Variants in PSD4 observed in about 807,000 individuals in gnomAD.
The protein encoded by PSD4 is PH and SEC7 domain-containing protein 4.
In PSD4, 59 loss-of-function variants were observed where a neutral mutation model predicts 112.5. The ratio of observed to expected loss-of-function variants is 0.52; its 90% CI spans 0.43 to 0.65. The LOEUF (loss-of-function observed/expected upper bound fraction) is 0.65. Among genes scored for constraint, PSD4 ranks in the 30% least tolerant of loss-of-function variants. The pLI is 0.00. For missense variants in PSD4, 1,267 were observed against 1,352.6 expected (o/e 0.94, Z 0.99); for synonymous variants, 533 against 540.0 (o/e 0.99, Z 0.18).
intron 7 of PSD4, 26 bp downstream of exon 7, chr2:113,193,154 G>A: frequency 1.2e-6 from 2 of 1,610,238 alleles, no homozygotes; most frequent in South Asian, 1.1e-5. Context: ...CCTCTCTGGG[G>A]AGGCTGTGGA....
Position 113,183,340 on chromosome 2 carries a change from C to G in PSD4, c.884C>G (p.Thr295Arg). 6.2e-7 allele frequency: 1 copy of G among 1,601,026 alleles called. No homozygotes were observed. Among genetic ancestry groups the G allele is most frequent in the Non-Finnish European group, 8.5e-7 (1 of 1,172,816 alleles). ...CTGGAGCCTCCCCTCCCAGAAGACA[C>G]AGTGCTGTGGGAGCTGGAAAGTGAG... ...ATLEPPLPEDTVLWELESEPD... is the reference protein window; with the variant it reads ...ATLEPPLPEDRVLWELESEPD... Residue 295 changes from threonine to arginine, a missense_variant, in exon 2 of 17, where the codon ACA becomes AGA. Transcript: ENST00000245796.
chr2:113,193,385 G>A lies in PSD4; in HGVS notation c.2032+15G>A. ...CCCCTCAGTAGGTAGGGAGGGGCTG[G>A]CCCTGACAGCAAAGCAGGGAAACTT... is the stretch of plus-strand genomic sequence containing the variant. On this transcript the variant is annotated intron_variant, in intron 8 of 16. Transcript: ENST00000245796. 6.2e-7 allele frequency: 1 copy of A among 1,606,756 alleles called. No homozygotes were observed. Among genetic ancestry groups the A allele is most frequent in the Non-Finnish European group, 8.5e-7 (1 of 1,175,928 alleles).
intron 11 of PSD4, among the ~76,000 whole-genome samples, 186 bp downstream of exon 11, chr2:113,195,956 G>T (rs1558654476): frequency 6.6e-6 from 1 of 152,180 alleles, no homozygotes; most frequent in Non-Finnish European, 1.5e-5. Context: ...GAGGGCCAGA[G>T]GTAGTGGGGC....
At chr2:113,194,037 G>C (rs1234621141) in intron 10 of PSD4, 89 bp downstream of exon 10, 1 of 1,311,472 alleles carries the variant, frequency 7.6e-7, no homozygotes, top group Non-Finnish European at 1.1e-6. Context: ...CTTGGGACTG[G>C]CTTTGCCAAA....
At chr2:113,180,209 C>A (rs888589143) in intron 1 of PSD4, among the ~76,000 whole-genome samples, 1 of 152,150 alleles carries the variant, frequency 6.6e-6, no homozygotes, top group African/African-American at 2.4e-5. Context: ...AACAGTGGGC[C>A]AAGCCTGGGC....
chr2:113,204,744 C>T lies in PSD4; in HGVS notation c.*3329C>T, dbSNP rs1054535598. The T allele has an allele frequency of 2.0e-5, 3 of 152,112 alleles. No individual in the cohort carries two copies. The highest frequency in any genetic ancestry group is 7.2e-5 in the African/African-American group (3 of 41,394). The allele number at this position is 152,112 out of a possible 1,614,324, so 9.4% of individuals were successfully genotyped here. On this transcript the variant is annotated 3_prime_UTR_variant, in exon 17 of 17. Coordinates refer to ENST00000245796, the MANE Select transcript of PSD4 (RefSeq NM_012455.3). ...TATTTGTTTGTTGCTTGCCAGGCAC[C>T]AGGGTAGATAAAAAGATCACCAAGA... is the stretch of plus-strand genomic sequence containing the variant.
intron 5 of PSD4, among the ~76,000 whole-genome samples, chr2:113,189,321 A>G (rs931211907): frequency 1.3e-5 from 2 of 149,052 alleles, no homozygotes; most frequent in African/African-American, 4.9e-5. Flanking sequence ...CATATATGTG[A>G]TTCAATTATA....
At chr2:113,193,501 G>T in intron 8 of PSD4, 91 bp from the exon 9 acceptor site, 2 of 1,506,978 alleles carry the variant, frequency 1.3e-6, no homozygotes, top group East Asian at 4.5e-5. Context: ...GCATTCCAGG[G>T]GTTATTCGGT....
Position 113,202,232 on chromosome 2 carries a change from G to A in PSD4, c.*817G>A, listed in dbSNP as rs940372341. On this transcript the variant is annotated 3_prime_UTR_variant, in exon 17 of 17. Transcript: ENST00000245796. ...GGAACCCTGGAACCCTAGGAACAAG[G>A]AGCCTTTGTTCCAACAGAGCAGAGA... The A allele has an allele frequency of 2.0e-5, 3 of 152,478 alleles. No individual in the cohort carries two copies. The highest frequency in any genetic ancestry group is 6.5e-5 in the Admixed American group (1 of 15,288). The allele number at this position is 152,478 out of a possible 1,614,324, so 9.4% of individuals were successfully genotyped here.
chr2:113,186,767 TC>T (rs1236432269), intron 5 of PSD4, among the ~76,000 whole-genome samples: 4 of 152,170 alleles, frequency 2.6e-5, no homozygotes, highest in African/African-American at 9.7e-5. Flanking sequence ...AGGGAATGGA[TC>T]TTGGGGCCCA....
intron 6 of PSD4, 86 bp downstream of exon 6, chr2:113,192,675 C>A: frequency 7.4e-7 from 1 of 1,353,558 alleles, no homozygotes; most frequent in Non-Finnish European, 1.0e-6. Flanking sequence ...GGCCACCCTC[C>A]CCTTCCCGTC....
At chr2:113,184,877 T>C in intron 2 of PSD4, 80 bp from the exon 3 acceptor site, 1 of 1,581,040 alleles carries the variant, frequency 6.3e-7, no homozygotes, top group African/African-American at 1.3e-5. Context: ...TTCATGGGAT[T>C]TGAGAAAGGC....
chr2:113,195,926 G>C (rs1474966218), intron 11 of PSD4, among the ~76,000 whole-genome samples, 156 bp downstream of exon 11: 3 of 152,120 alleles, frequency 2.0e-5, no homozygotes, highest in Non-Finnish European at 4.4e-5. Flanking sequence ...AGAGAGCATA[G>C]AGGAGCCCAA....
In PSD4 at chr2:113,203,661, G is replaced by A. The variant is rs1688824592; in HGVS notation, c.*2246G>A. ...CTGACTGCAACCTCCACTGAATCAA[G>A]CGATTCTCCTGCCTCAGCCTCCCAA... is the stretch of plus-strand genomic sequence containing the variant. On this transcript the variant is annotated 3_prime_UTR_variant, in exon 17 of 17. Transcript: ENST00000245796. 1 of 134,868 alleles carries A rather than the reference G, an allele frequency of 7.4e-6. No homozygotes were observed. Among genetic ancestry groups the A allele is most frequent in the South Asian group, 2.5e-4 (1 of 3,976 alleles). The allele number at this position is 134,868 out of a possible 1,614,324, so 8.4% of individuals were successfully genotyped here.
At chr2:113,196,571 C>A in intron 12 of PSD4, 1 of 392,770 alleles carries the variant, frequency 2.5e-6, no homozygotes, top group Admixed American at 3.9e-5. Flanking sequence ...AGAGATTAGA[C>A]AAGTGTGTCA....
intron 1 of PSD4, among the ~76,000 whole-genome samples, chr2:113,181,063 C>CA (rs10566378): frequency 0.028 from 4,012 of 141,792 alleles, 196 homozygotes; most frequent in African/African-American, 0.095. Context: ...ACTAGAAATA[C>CA]AAAAAAAAAA....
rs1276122051 is a variant in PSD4 at position 113,202,052 on chromosome 2, T to A, written c.*637T>A. The stretch of plus-strand genomic sequence containing the variant: ...AGGGACCTCGGGGGGCTTCAAGGGC[T>A]CTGCACGGCTGTGGGGCCCTGTGCC... On this transcript the variant is annotated 3_prime_UTR_variant, in exon 17 of 17. Transcript: ENST00000245796. 1.3e-5 allele frequency: 2 copies of A among 153,088 alleles called. No homozygotes were observed. The highest frequency in any genetic ancestry group is 4.8e-5 in the African/African-American group (2 of 41,434). The allele number at this position is 153,088 out of a possible 1,614,324, so 9.5% of individuals were successfully genotyped here. A position where few individuals can be genotyped will look rare whatever the true frequency, so the allele number is the denominator to read the frequency against.
In PSD4 at chr2:113,180,939, T is replaced by C. The variant is rs191266875; in HGVS notation, c.-111-1407T>C. ...AGGGAAAATAAGAAAAGACAGCTGC[T>C]GGGTGCAGCGGCTCACACCTATAAT... On this transcript the variant is annotated intron_variant, in intron 1 of 16. Transcript: ENST00000245796. 1.8e-3 allele frequency among the ~76,000 whole-genome samples: 266 copies of C among 151,978 alleles called. 2 individuals are homozygous for C. The highest frequency in any genetic ancestry group is 5.7e-3 in the African/African-American group (236 of 41,470).
In PSD4 at chr2:113,183,038, C is replaced by G. The variant is rs1273523152; in HGVS notation, c.582C>G (p.Asp194Glu). The G allele has an allele frequency of 1.9e-6, 3 of 1,613,780 alleles. No individual in the cohort carries two copies. The East Asian group carries it at 6.7e-5, about 36-fold the overall frequency. The change falls in exon 2 of 17, where the codon GAC (aspartate) becomes GAG (glutamate). Residue 194 changes from aspartate to glutamate, a missense_variant. Physicochemically the swap from Asp to Glu is conservative, Grantham distance 45 (BLOSUM62 2). Transcript: ENST00000245796. ...LKCCLPTPPV[D>E]LPGDTGLHSS... ...GCTGTCTCCCCACGCCCCCTGTGGA[C>G]CTCCCCGGGGACACGGGCCTGCACT...
Sources: allele counts gnomAD v4.1 joint callset (sites outside exome capture counted in the v4.1 genomes callset), GRCh38; gene constraint gnomAD v4.1.1; transcripts MANE v1.5; gene names NCBI Gene and HGNC (gene_info 2026-07-23, HGNC 2026-07-21).